The following KLF13 variants were observed in gnomAD, a reference collection of about 807,000 sequenced individuals.
KLF13 encodes the protein Krueppel-like factor 13.
In KLF13, 8 loss-of-function variants were observed where a neutral mutation model predicts 16.7. The observed-to-expected ratio is 0.48, with a 90% CI of 0.28 to 0.87. The LOEUF is 0.87. Ranked by LOEUF, KLF13 falls within the 40% of genes least tolerant of loss-of-function variation. KLF13 has a pLI of 0.10. For synonymous variants in KLF13, 245 were observed against 208.4 expected (o/e 1.18, Z -1.51); for missense variants, 447 against 452.2 (o/e 0.99, Z 0.10).
chr15:31,372,254 C>T lies in KLF13; in HGVS notation c.822C>T (p.Arg274=), dbSNP rs761962587. ...SRTGSLSDYS[R]SDASSPTISP... ...CCGGCTCCCTCAGCGACTACAGCCG[C>T]TCCGACGCCAGCAGCCCCACCATCA... The change falls in exon 2 of 2, where the codon CGC becomes CGT. Residue 274 remains arginine (R), a synonymous_variant. Transcript: ENST00000307145. 5.2e-6 allele frequency: 8 copies of T among 1,552,020 alleles called. No homozygotes were observed. In the Admixed American group the frequency reaches 1.3e-4, roughly 26 times the overall value.
At chr15:31,388,080 C>T (rs1284167148), upstream of KLF13, among the ~76,000 whole-genome samples, 1 of 152,194 alleles carries the variant, frequency 6.6e-6, no homozygotes, top group Non-Finnish European at 1.5e-5. Flanking sequence ...TGCCACGAGT[C>T]AGGAAGGAGT....
intron 2 of KLF13, among the ~76,000 whole-genome samples, chr15:31,397,226 C>T (rs1393729159): frequency 1.6e-3 from 8 of 4,870 alleles, no homozygotes; most frequent in African/African-American, 2.1e-3. Flanking sequence ...CAGGGTGGGG[C>T]GGGGTGGGGT....
chr15:31,394,528 T>C (rs925850170), intron 2 of KLF13, among the ~76,000 whole-genome samples: 1 of 151,950 alleles, frequency 6.6e-6, no homozygotes, highest in Non-Finnish European at 1.5e-5. Flanking sequence ...TAGGGAGTAT[T>C]TTAAAGAGTG....
chr15:31,346,244 C>T (rs946914778), intron 1 of KLF13, among the ~76,000 whole-genome samples: 15 of 152,322 alleles, frequency 9.8e-5, no homozygotes, highest in African/African-American at 3.6e-4. Context: ...AACTCACAGC[C>T]TTCTCCCCCG....
chr15:31,432,571 C>T (rs77392013), intron 1 of KLF13, among the ~76,000 whole-genome samples: 1,622 of 152,002 alleles, frequency 0.011, 48 homozygotes, highest in African/African-American at 0.038. Context: ...GCCTCAGCTT[C>T]CTGAGTAGCT....
intron 1 of KLF13, among the ~76,000 whole-genome samples, chr15:31,364,264 T>C (rs1450386776): frequency 6.6e-6 from 1 of 152,218 alleles, no homozygotes; most frequent in Non-Finnish European, 1.5e-5. Context: ...AAAAATATCT[T>C]CGCAAGCATT....
At chr15:31,421,912 G>A (rs991497432) in intron 1 of KLF13, among the ~76,000 whole-genome samples, 18 of 152,026 alleles carry the variant, frequency 1.2e-4, no homozygotes, top group African/African-American at 4.1e-4. Flanking sequence ...TCAGGAGTTC[G>A]AGACCAGCCT....
chr15:31,431,984 G>A lies in KLF13; in HGVS notation n.118-3386G>A, dbSNP rs147333271. ...TCTGGGGAAGGGCACGGGGATGGAG[G>A]AGGTGGGATACAGATGGATGCAAGT... is the stretch of plus-strand genomic sequence containing the variant. On this transcript the variant is annotated intron_variant and non_coding_transcript_variant, in intron 1 of 1. Coordinates refer to the KLF13 transcript ENST00000558225. Among the ~76,000 whole-genome samples the A allele has an allele frequency of 5.8e-3, 880 of 151,902 alleles. 8 individuals carry two copies. The highest frequency in any genetic ancestry group is 0.036 in the South Asian group (172 of 4,832).
At chr15:31,349,582 G>A (rs549060276) in intron 1 of KLF13, among the ~76,000 whole-genome samples, 1 of 152,382 alleles carries the variant, frequency 6.6e-6, no homozygotes, top group African/African-American at 2.4e-5. Context: ...ATACTTCACT[G>A]CCCTGGCTGC....
At chr15:31,419,271 G>A (rs969371924) in intron 1 of KLF13, among the ~76,000 whole-genome samples, 1 of 52,602 alleles carries the variant, frequency 1.9e-5, no homozygotes, top group African/African-American at 9.9e-5. Context: ...AAGAAATAGG[G>A]AAAAATGGCC....
At chr15:31,337,070 G>C (rs758659609) in intron 1 of KLF13, among the ~76,000 whole-genome samples, 1 of 152,158 alleles carries the variant, frequency 6.6e-6, no homozygotes, top group Non-Finnish European at 1.5e-5. Context: ...TTACTGCCCC[G>C]TTGTCCTCAC....
intron 1 of KLF13, among the ~76,000 whole-genome samples, chr15:31,370,044 C>CTTTTT (rs912005994): frequency 4.0e-4 from 40 of 99,236 alleles, no homozygotes; most frequent in East Asian, 6.1e-4. Context: ...TCTCCTTTTT[C>CTTTTT]TTTTTTTTTT....
At chr15:31,405,401 T>C (rs1283528576), downstream of KLF13, among the ~76,000 whole-genome samples, 1 of 152,200 alleles carries the variant, frequency 6.6e-6, no homozygotes, top group African/African-American at 2.4e-5. Context: ...AAGACTGCGG[T>C]CTACGAACCA....
intron 1 of KLF13, among the ~76,000 whole-genome samples, chr15:31,345,464 G>A (rs898837839): frequency 1.2e-4 from 18 of 152,220 alleles, no homozygotes; most frequent in Non-Finnish European, 2.2e-4. Flanking sequence ...GGAGAGCACT[G>A]GGGTGCGGGC....
chr15:31,420,680 C>A, intron 1 of KLF13: 1 of 329,670 alleles, frequency 3.0e-6, no homozygotes, highest in South Asian at 2.8e-5. Context: ...CCCAGACTGT[C>A]CTTTTTTTTT....
intron 2 of KLF13, among the ~76,000 whole-genome samples, chr15:31,401,242 C>T (rs1156352888): frequency 6.6e-6 from 1 of 152,206 alleles, no homozygotes; most frequent in East Asian, 1.9e-4. Context: ...TCAGGTGATC[C>T]ACCCACCTCA....
exon 3 of KLF13, chr15:31,404,647 A>G (rs575088161): frequency 6.6e-6 from 1 of 152,280 alleles, no homozygotes; most frequent in South Asian, 2.1e-4. Flanking sequence ...CCCTCCAGTC[A>G]GCAGCAGGCA....
rs140063698 is a variant in KLF13, at chr15:31,365,702, A to G, written c.578-6308A>G. ...ATAACTTGGAGCGTGCCCTTTGCGC[A>G]GGAGGGCAGAGCAGAGTGGAGTCCA... On this transcript the variant is annotated intron_variant, in intron 1 of 1. Coordinates refer to ENST00000307145, the MANE Select transcript of KLF13 (RefSeq NM_015995.4). 8.4e-3 allele frequency among the ~76,000 whole-genome samples: 1,275 copies of G among 152,202 alleles called. 12 individuals carry two copies. The highest frequency in any genetic ancestry group is 0.016 in the South Asian group (78 of 4,822).
intron 1 of KLF13, among the ~76,000 whole-genome samples, chr15:31,330,729 G>GTC (rs1392037319): frequency 2.0e-5 from 3 of 152,216 alleles, no homozygotes; most frequent in Non-Finnish European, 2.9e-5. Flanking sequence ...GGACACATTG[G>GTC]TCTCTGTCAC....
Sources: allele counts gnomAD v4.1 joint callset (sites outside exome capture counted in the v4.1 genomes callset), GRCh38; gene constraint gnomAD v4.1.1; transcripts MANE v1.5; gene names NCBI Gene and HGNC (gene_info 2026-07-23, HGNC 2026-07-21).